Variants in RASD2 observed in about 807,000 individuals in gnomAD.
RASD2 encodes the protein RASD family member 2, also known as GTP-binding protein Rhes.
In RASD2, 7 loss-of-function variants were observed where a neutral mutation model predicts 15.8. The observed-to-expected ratio is 0.44, with a 90% CI of 0.25 to 0.83. The LOEUF (loss-of-function observed/expected upper bound fraction) is 0.83, where lower values mean the gene tolerates loss of function less well. Ranked by LOEUF, RASD2 falls within the 40% of genes least tolerant of loss-of-function variation. The pLI is 0.20. For synonymous variants in RASD2, 155 were observed against 153.6 expected (o/e 1.01, Z -0.07); for missense variants, 274 against 382.8 (o/e 0.72, Z 2.37).
At chr22:35,543,151 C>T (rs1191184562) in intron 1 of RASD2, among the ~76,000 whole-genome samples, 1 of 152,202 alleles carries the variant, frequency 6.6e-6, no homozygotes, top group African/African-American at 2.4e-5. Context: ...CCCCATCAGT[C>T]AAGTGGGCTG....
At chr22:35,539,074 C>T (rs1934285770), upstream of RASD2, among the ~76,000 whole-genome samples, 1 of 152,236 alleles carries the variant, frequency 6.6e-6, no homozygotes, top group South Asian at 2.1e-4. Context: ...CCTCCACCCC[C>T]ACCTGCCCCA....
upstream of RASD2, among the ~76,000 whole-genome samples, chr22:35,538,102 C>T (rs146936259): frequency 3.9e-5 from 6 of 152,002 alleles, no homozygotes; most frequent in South Asian, 2.1e-4. Context: ...CACACCACCA[C>T]GCCTGGGTAG....
chr22:35,551,437 G>T lies in RASD2; in HGVS notation c.272-66G>T. Reference sequence around the variant, plus strand: ...TCCCAGCTCTTAGGGCTGATGTTCTGTGGCCAGAGGAGGGCAGGGGTTGCA... The same window carrying T: ...TCCCAGCTCTTAGGGCTGATGTTCTTTGGCCAGAGGAGGGCAGGGGTTGCA... On this transcript the variant is annotated intron_variant, in intron 2 of 2. Transcript: ENST00000216127. This position sits in a 1 kb window ranked among gnomAD's most constrained non-coding sequence, Gnocchi z 4.9. 6.6e-7 allele frequency: 1 copy of T among 1,518,474 alleles called. No homozygotes were observed. The highest frequency in any genetic ancestry group is 1.2e-5 in the South Asian group (1 of 80,582). The allele number at this position is 1,518,474 out of a possible 1,614,324, so 94.1% of individuals were successfully genotyped here. A position where few individuals can be genotyped will look rare whatever the true frequency, so the allele number is the denominator to read the frequency against.
At chr22:35,540,240 C>A (rs1416556968), upstream of RASD2, among the ~76,000 whole-genome samples, 1 of 152,036 alleles carries the variant, frequency 6.6e-6, no homozygotes, top group East Asian at 1.9e-4. Flanking sequence ...GGGTCACCTG[C>A]GGCCAGGCCG....
chr22:35,540,487 G>C (rs564718075), upstream of RASD2, among the ~76,000 whole-genome samples: 34 of 150,294 alleles, frequency 2.3e-4, no homozygotes, highest in Admixed American at 9.3e-4. Context: ...AGCGGGCTCT[G>C]GGGGGCAGAC....
intron 2 of RASD2, among the ~76,000 whole-genome samples, chr22:35,550,738 T>C (rs1934641841): frequency 6.6e-6 from 1 of 152,238 alleles, no homozygotes; most frequent in Non-Finnish European, 1.5e-5. Flanking sequence ...GGTAGAAATC[T>C]CAGCCTAGCC....
intron 1 of RASD2, 40 bp from the exon 2 acceptor site, chr22:35,546,761 C>T (rs1252039254): frequency 3.4e-5 from 54 of 1,590,066 alleles, no homozygotes; most frequent in Non-Finnish European, 4.4e-5. Context: ...GGGGCCAGGT[C>T]GGGGGGGCCC....
At chr22:35,544,823 G>A (rs1019108260) in intron 1 of RASD2, among the ~76,000 whole-genome samples, 2 of 152,182 alleles carry the variant, frequency 1.3e-5, no homozygotes, top group Admixed American at 1.3e-4. Flanking sequence ...TCTGTAAATT[G>A]GAGAATAACA....
upstream of RASD2, among the ~76,000 whole-genome samples, chr22:35,537,986 C>T (rs1195516827): frequency 6.6e-6 from 1 of 151,438 alleles, no homozygotes; most frequent in African/African-American, 2.4e-5. Context: ...TGCTCCGTCG[C>T]CCAGGCTAGA....
chr22:35,546,255 C>T (rs1258150771), intron 1 of RASD2, among the ~76,000 whole-genome samples: 1 of 152,092 alleles, frequency 6.6e-6, no homozygotes, highest in Non-Finnish European at 1.5e-5. Context: ...CCCTTCTTCC[C>T]AGGAGGGCTG....
At position 35,546,956 on chromosome 22, in the gene RASD2, A is replaced by G; in HGVS notation, c.147A>G (p.Thr49=). ...ATGGCCGCTTTGAGGACCAGTACAC[A>G]CCCACCATCGAGGACTTCCACCGTA... ...FLNGRFEDQY[T]PTIEDFHRKV... Residue 49 remains threonine, a synonymous_variant, in exon 2 of 3, where the codon ACA becomes ACG. Coordinates refer to ENST00000216127, the MANE Select transcript of RASD2 (RefSeq NM_014310.4). The G allele has an allele frequency of 3.1e-6, 5 of 1,614,024 alleles. No homozygotes were observed. In the Admixed American group the frequency reaches 6.7e-5, roughly 22 times the overall value.
upstream of RASD2, among the ~76,000 whole-genome samples, chr22:35,535,957 G>A (rs941359755): frequency 1.3e-5 from 2 of 152,188 alleles, no homozygotes; most frequent in African/African-American, 4.8e-5. Flanking sequence ...TGCACCGGGG[G>A]CAGGGTGTGG....
chr22:35,548,675 T>C (rs1171464064), intron 2 of RASD2, among the ~76,000 whole-genome samples: 1 of 152,216 alleles, frequency 6.6e-6, no homozygotes, highest in Non-Finnish European at 1.5e-5. Context: ...TTTCCGAGCA[T>C]CTGACCCAGA....
chr22:35,544,409 C>T (rs943248370), intron 1 of RASD2, among the ~76,000 whole-genome samples: 2 of 152,248 alleles, frequency 1.3e-5, no homozygotes, highest in African/African-American at 4.8e-5. Flanking sequence ...CTGGGCACCT[C>T]ATCAGGGCTG....
Position 35,553,978 on chromosome 22 carries a change from A to G in RASD2, c.*1946A>G, listed in dbSNP as rs1934746706. 1 of 152,716 alleles carries G rather than the reference A, an allele frequency of 6.5e-6. No homozygotes were observed. Among genetic ancestry groups the G allele is most frequent in the Admixed American group, 6.5e-5 (1 of 15,286 alleles). The allele number at this position is 152,716 out of a possible 1,614,324, so 9.5% of individuals were successfully genotyped here. Reference sequence around the variant, plus strand: ...CCATGGATCTCCGTGTACACTATCAATAAAAGTGGGTTTGTTACAAAGCCG... The same window carrying G: ...CCATGGATCTCCGTGTACACTATCAGTAAAAGTGGGTTTGTTACAAAGCCG... On this transcript the variant is annotated 3_prime_UTR_variant, in exon 3 of 3. Coordinates refer to ENST00000216127, the MANE Select transcript of RASD2 (RefSeq NM_014310.4).
At chr22:35,537,874 G>A (rs992954202), upstream of RASD2, among the ~76,000 whole-genome samples, 5 of 150,610 alleles carry the variant, frequency 3.3e-5, no homozygotes, top group African/African-American at 1.2e-4. Flanking sequence ...TTGAGTGCAG[G>A]GCATGGTGGG....
intron 1 of RASD2, among the ~76,000 whole-genome samples, chr22:35,543,481 C>T (rs1210493273): frequency 3.3e-5 from 5 of 152,082 alleles, no homozygotes; most frequent in Non-Finnish European, 7.4e-5. Context: ...GTCTGCTCCT[C>T]GCTGTATGAG....
rs1934682410 is a variant in RASD2, at chr22:35,551,960, C to T, written c.729C>T (p.Asp243=). ...PFARRPSVNS[D]LKYIKAKVLR... The stretch of plus-strand genomic sequence containing the variant: ...CCCGCCGCCCCAGCGTCAACAGTGA[C>T]CTCAAGTACATCAAGGCCAAGGTCC... The change falls in exon 3 of 3, where the codon GAC becomes GAT. Residue 243 remains aspartate (D), a synonymous_variant. Transcript: ENST00000216127. This position sits in a 1 kb window ranked among gnomAD's most constrained non-coding sequence, Gnocchi z 4.9. 6.2e-7 allele frequency: 1 copy of T among 1,604,594 alleles called. No homozygotes were observed. The highest frequency in any genetic ancestry group is 1.7e-5 in the Admixed American group (1 of 59,986).
chr22:35,545,376 C>T (rs930796555), intron 1 of RASD2, among the ~76,000 whole-genome samples: 2 of 152,144 alleles, frequency 1.3e-5, no homozygotes, highest in Admixed American at 1.3e-4. Context: ...GGGGTGGGGA[C>T]CGAGTTTGGG....
Sources: allele counts gnomAD v4.1 joint callset (sites outside exome capture counted in the v4.1 genomes callset), GRCh38; gene constraint gnomAD v4.1.1; non-coding constraint Gnocchi (gnomAD v3.1); transcripts MANE v1.5; gene names NCBI Gene and HGNC (gene_info 2026-07-23, HGNC 2026-07-21).